The following NR2F6 variants were observed in gnomAD, a reference collection of about 807,000 sequenced individuals.
The protein encoded by NR2F6 is ERBA-related gene-2.
In NR2F6, 16 loss-of-function variants were observed where a neutral mutation model predicts 26.5. The ratio of observed to expected loss-of-function variants is 0.60; its 90% CI spans 0.41 to 0.92. The LOEUF (loss-of-function observed/expected upper bound fraction) is 0.92, where lower values mean the gene tolerates loss of function less well. Among genes scored for constraint, NR2F6 ranks in the 40% least tolerant of loss-of-function variants. NR2F6 has a pLI of 0.00. For synonymous variants in NR2F6, 325 were observed against 305.0 expected (o/e 1.07, Z -0.68); for missense variants, 536 against 631.7 (o/e 0.85, Z 1.62).
intron 1 of NR2F6, among the ~76,000 whole-genome samples, chr19:17,241,848 T>C (rs1050258838): frequency 2.6e-5 from 4 of 150,952 alleles, no homozygotes; most frequent in Admixed American, 6.6e-5. Flanking sequence ...AAACCCCGTC[T>C]CTACTAAAAA....
intron 1 of NR2F6, among the ~76,000 whole-genome samples, chr19:17,243,813 C>T (rs1310004831): frequency 6.6e-6 from 1 of 152,192 alleles, no homozygotes; most frequent in African/African-American, 2.4e-5. Flanking sequence ...CCACCCTAGC[C>T]CCACAGTTCC....
intron 3 of NR2F6, among the ~76,000 whole-genome samples, chr19:17,234,198 G>A (rs1005163350): frequency 2.5e-4 from 38 of 151,410 alleles, no homozygotes; most frequent in Non-Finnish European, 4.7e-4. Flanking sequence ...ACTCCAGCCT[G>A]GGCGACGGAG....
At chr19:17,240,626 C>T in intron 2 of NR2F6, 45 bp downstream of exon 2, 1 of 1,591,234 alleles carries the variant, frequency 6.3e-7, no homozygotes, top group Non-Finnish European at 8.6e-7. Flanking sequence ...CACCCCGGCT[C>T]CAGCGGCTGT....
At chr19:17,243,372 C>T (rs2073479304) in intron 1 of NR2F6, among the ~76,000 whole-genome samples, 1 of 152,216 alleles carries the variant, frequency 6.6e-6, no homozygotes, top group Non-Finnish European at 1.5e-5. Context: ...CAGCGAGACC[C>T]TGCTCAATCC....
Position 17,235,986 on chromosome 19 carries a change from C to T in NR2F6, c.453G>A (p.Leu151=). 6.9e-7 allele frequency: 1 copy of T among 1,450,096 alleles called. No homozygotes were observed. Among genetic ancestry groups the T allele is most frequent in the Non-Finnish European group, 9.0e-7 (1 of 1,106,306 alleles). The allele number at this position is 1,450,096 out of a possible 1,614,324, so 89.8% of individuals were successfully genotyped here. Residue 151 remains leucine (L), a synonymous_variant, in exon 3 of 4, where the codon CTG becomes CTA. Coordinates refer to ENST00000291442, the MANE Select transcript of NR2F6 (RefSeq NM_005234.4). This position sits in a 1 kb window ranked among gnomAD's most constrained non-coding sequence, Gnocchi z 5.0. The part of the protein sequence containing the change: ...ASSGSPPGSA[L]AAVASGGDLF... ...GGTCTCCGCCGCTCGCCACTGCCGC[C>T]AGCGCCGAGCCCGGGGGGCTGCCCG... is the stretch of plus-strand genomic sequence containing the variant.
In NR2F6 at chr19:17,244,906, G is replaced by A. The variant is rs752928131; in HGVS notation, c.278+37C>T. 2.6e-6 allele frequency: 4 copies of A among 1,549,008 alleles called. No homozygotes were observed. The Admixed American group carries it at 6.0e-5, about 23-fold the overall frequency. On this transcript the variant is annotated intron_variant, in intron 1 of 3. Transcript: ENST00000291442. The stretch of plus-strand genomic sequence containing the variant: ...TCAGAGGCCTGCCCCAGGTCGGGGC[G>A]GGGTGCACGGCGGCGGCGCGCGGAT...
chr19:17,237,498 G>A (rs78971941), intron 2 of NR2F6, among the ~76,000 whole-genome samples: 2,924 of 151,822 alleles, frequency 0.019, 83 homozygotes, highest in African/African-American at 0.065. Context: ...TGCAGCCTCC[G>A]ACTCCGGGGT....
chr19:17,243,025 G>C (rs1038356958), intron 1 of NR2F6, among the ~76,000 whole-genome samples: 3 of 152,122 alleles, frequency 2.0e-5, no homozygotes. Context: ...GGCCCACCTA[G>C]CTCTGACTTC....
intron 1 of NR2F6, chr19:17,244,523 C>A (rs962497067): frequency 2.2e-5 from 4 of 184,172 alleles, no homozygotes; most frequent in African/African-American, 9.6e-5. Context: ...GGCCCCTGGA[C>A]GCTGCGAGCT....
In NR2F6 at chr19:17,245,144, C is replaced by T; in HGVS notation, c.77G>A (p.Arg26His). The change falls in exon 1 of 4, where the codon CGC becomes CAC. Residue 26 changes from arginine (R) to histidine (H), a missense_variant. Coordinates refer to ENST00000291442, the MANE Select transcript of NR2F6 (RefSeq NM_005234.4). The surrounding 1 kb of genome is among the most constrained non-coding windows in gnomAD (Gnocchi z 5.0). ...NGVDKAGGYPRAAEDDSASPP... is the reference protein window; with the variant it reads ...NGVDKAGGYPHAAEDDSASPP... ...CGAGGCCGAGTCGTCCTCGGCCGCG[C>T]GCGGGTAGCCGCCCGCCTTGTCCAC... is the stretch of plus-strand genomic sequence containing the variant. 1 of 1,430,428 alleles carries T rather than the reference C, an allele frequency of 7.0e-7. No individual in the cohort carries two copies. The highest frequency in any genetic ancestry group is 9.1e-7 in the Non-Finnish European group (1 of 1,097,044). The allele number at this position is 1,430,428 out of a possible 1,614,324, so 88.6% of individuals were successfully genotyped here.
intron 1 of NR2F6, chr19:17,244,128 C>T (rs1043930777): frequency 1.3e-5 from 2 of 152,342 alleles, no homozygotes; most frequent in Non-Finnish European, 2.9e-5. Context: ...GGTCTCCGAC[C>T]TGGGACAGCC....
intron 2 of NR2F6, among the ~76,000 whole-genome samples, chr19:17,237,579 T>C (rs2073446496): frequency 6.6e-6 from 1 of 151,796 alleles, no homozygotes; most frequent in African/African-American, 2.4e-5. Flanking sequence ...GCCTGGCTAA[T>C]TTTTGTATTT....
Position 17,236,008 on chromosome 19 carries a change from C to T in NR2F6, c.431G>A (p.Gly144Asp). Reference protein sequence around the residue: ...SLPGAVAASSGSPPGSALAAV... With the variant: ...SLPGAVAASSDSPPGSALAAV... ...CGCCAGCGCCGAGCCCGGGGGGCTG[C>T]CCGAGGAGGCGGCCACGGCACCAGG... Residue 144 changes from glycine (G) to aspartate (D), a missense_variant, in exon 3 of 4, where the codon GGC becomes GAC. Coordinates refer to ENST00000291442, the MANE Select transcript of NR2F6 (RefSeq NM_005234.4). 2 of 1,414,016 alleles carry T rather than the reference C, an allele frequency of 1.4e-6. No individual in the cohort carries two copies. The highest frequency in any genetic ancestry group is 1.8e-6 in the Non-Finnish European group (2 of 1,089,586). 87.6% of individuals were successfully genotyped at this position (1,414,016 alleles called of 1,614,324 possible).
intron 2 of NR2F6, among the ~76,000 whole-genome samples, chr19:17,238,422 G>A (rs924665168): frequency 2.6e-5 from 4 of 152,146 alleles, no homozygotes; most frequent in South Asian, 2.1e-4. Context: ...AACCTTGAAG[G>A]CAAGGTTAGG....
At chr19:17,236,295 T>A (rs1448735290) in intron 2 of NR2F6, among the ~76,000 whole-genome samples, 1 of 15,860 alleles carries the variant, frequency 6.3e-5, no homozygotes, top group Non-Finnish European at 1.2e-4. Flanking sequence ...AGACATGGGG[T>A]GGGGGGCAGG....
At chr19:17,233,421 C>G (rs188347052) in intron 3 of NR2F6, among the ~76,000 whole-genome samples, 116 of 152,348 alleles carry the variant, frequency 7.6e-4, no homozygotes, top group Non-Finnish European at 5.4e-4. Context: ...GTGTTCTCAT[C>G]TAACCAGTGA....
At position 17,242,784 on chromosome 19, in the gene NR2F6, C is replaced by G. The variant is rs141115134; in HGVS notation, c.279-2019G>C. Among the ~76,000 whole-genome samples the G allele has an allele frequency of 8.7e-3, 1,326 of 152,334 alleles. 6 individuals are homozygous for G. The highest frequency in any genetic ancestry group is 0.015 in the Non-Finnish European group (997 of 68,028). The stretch of plus-strand genomic sequence containing the variant: ...CCTGACCTCAGGGGAGGCCCTGAAC[C>G]TTCAGTCTCAACTTCCCCAGCTGTG... On this transcript the variant is annotated intron_variant, in intron 1 of 3. Coordinates refer to ENST00000291442, the MANE Select transcript of NR2F6 (RefSeq NM_005234.4).
At chr19:17,239,655 G>GAA (rs772505161) in intron 2 of NR2F6, among the ~76,000 whole-genome samples, 1 of 127,300 alleles carries the variant, frequency 7.9e-6, no homozygotes, top group African/African-American at 2.9e-5. Context: ...CTCAGTCTCA[G>GAA]AAAAAAAAAA....
At chr19:17,234,560 A>C (rs2073425322) in intron 3 of NR2F6, among the ~76,000 whole-genome samples, 1 of 152,180 alleles carries the variant, frequency 6.6e-6, no homozygotes, top group Admixed American at 6.5e-5. Flanking sequence ...CAGGCTGGAG[A>C]GATCTTTGTC....
Sources: allele counts gnomAD v4.1 joint callset (sites outside exome capture counted in the v4.1 genomes callset), GRCh38; gene constraint gnomAD v4.1.1; non-coding constraint Gnocchi (gnomAD v3.1); transcripts MANE v1.5; gene names NCBI Gene and HGNC (gene_info 2026-07-23, HGNC 2026-07-21).